ARHGEF4: variants seen among roughly 807,000 people sequenced by gnomAD.
ARHGEF4 encodes the protein APC-stimulated guanine nucleotide exchange factor 1.
Under a neutral mutation model 162.0 loss-of-function variants are expected in ARHGEF4, and 119 were observed. That is an observed-to-expected ratio of 0.73 (90% CI 0.63 to 0.86). The LOEUF is 0.86. ARHGEF4 is among the 40% of genes least tolerant of loss of function. The pLI is 0.00. For missense variants in ARHGEF4, 2,488 were observed against 2,456.0 expected, an observed-to-expected ratio of 1.01 and a Z score of -0.28; for synonymous variants, 1,014 against 979.9, an observed-to-expected ratio of 1.03 and a Z score of -0.65.
At chr2:130,939,847 A>G (rs2105129840) in intron 3 of ARHGEF4, among the ~76,000 whole-genome samples, 1 of 152,360 alleles carries the variant, frequency 6.6e-6, no homozygotes, top group Admixed American at 6.5e-5. Flanking sequence ...CCTAGGAACT[A>G]TTACAAATAT....
At chr2:130,891,171 G>C (rs960447688) in intron 1 of ARHGEF4, among the ~76,000 whole-genome samples, 1 of 152,126 alleles carries the variant, frequency 6.6e-6, no homozygotes, top group Non-Finnish European at 1.5e-5. Flanking sequence ...TCGAGGGCAG[G>C]GGCTGTCTCT....
At chr2:131,004,103 G>A (rs1687950823) in intron 4 of ARHGEF4, among the ~76,000 whole-genome samples, 1 of 152,156 alleles carries the variant, frequency 6.6e-6, no homozygotes, top group Non-Finnish European at 1.5e-5. Context: ...CTGGGCCAGT[G>A]TGGTGCAGGC....
In ARHGEF4 at chr2:130,916,977, A is replaced by C; in HGVS notation, c.3031A>C (p.Thr1011Pro). The C allele has an allele frequency of 5.2e-6, 8 of 1,550,944 alleles. No homozygotes were observed. Among genetic ancestry groups the C allele is most frequent in the Non-Finnish European group, 5.2e-6 (6 of 1,147,064 alleles). ...SDHWAPPLAS[T>P]PLSSSLVSPE... ...TCACTGGGCACCCCCACTTGCCTCC[A>C]CACCTTTGTCCTCCAGTTTAGTTTC... Residue 1011 changes from threonine (T) to proline (P), a missense_variant, in exon 2 of 14, where the codon ACA (threonine) becomes CCA (proline). Transcript: ENST00000409359.
At chr2:131,034,940 C>T in intron 5 of ARHGEF4, 1 of 978,978 alleles carries the variant, frequency 1.0e-6, no homozygotes, top group South Asian at 4.5e-5. Flanking sequence ...GGCTTGGGGC[C>T]TGGGAGGCGC....
intron 1 of ARHGEF4, among the ~76,000 whole-genome samples, chr2:130,856,848 T>C (rs115771319): frequency 7.9e-5 from 12 of 151,950 alleles, no homozygotes; most frequent in African/African-American, 2.9e-4. Flanking sequence ...AGCACAGAGG[T>C]GATTGGGAAC....
At chr2:130,976,387 AG>A (rs1685717881) in intron 4 of ARHGEF4, among the ~76,000 whole-genome samples, 1 of 151,542 alleles carries the variant, frequency 6.6e-6, no homozygotes, top group South Asian at 2.1e-4. Flanking sequence ...CTGTACAACT[AG>A]TTTCCTGAGG....
At chr2:130,920,542 G>A (rs2105070438) in intron 2 of ARHGEF4, among the ~76,000 whole-genome samples, 1 of 152,314 alleles carries the variant, frequency 6.6e-6, no homozygotes, top group Admixed American at 6.5e-5. Flanking sequence ...GCAAAGCTCA[G>A]AAAGGTTCCC....
In ARHGEF4 at chr2:130,915,030, C is replaced by T; in HGVS notation, c.1084C>T (p.His362Tyr). 1 of 1,550,688 alleles carries T rather than the reference C, an allele frequency of 6.4e-7. No homozygotes were observed. The highest frequency in any genetic ancestry group is 1.4e-5 in the African/African-American group (1 of 73,170). ...ACAGAATGTTGTGAAGTCTGGGACC[C>T]ATGTGAAGGAAGGGGCCAAAAATGA... ...VGQNVVKSGT[H>Y]VKEGAKNERD... Residue 362 changes from histidine (H) to tyrosine (Y), a missense_variant, in exon 2 of 14, where the codon CAT becomes TAT. By Grantham distance (83) the His-to-Tyr change is moderately conservative (BLOSUM62 2). Coordinates refer to ENST00000409359, the MANE Select transcript of ARHGEF4 (RefSeq NM_001367493.1).
chr2:130,970,386 C>T (rs960701036), intron 4 of ARHGEF4, among the ~76,000 whole-genome samples: 1 of 151,482 alleles, frequency 6.6e-6, no homozygotes, highest in African/African-American at 2.4e-5. Context: ...GTCAGGCGTT[C>T]GAGACCAGCC....
intron 4 of ARHGEF4, among the ~76,000 whole-genome samples, chr2:131,010,049 C>T (rs1688349090): frequency 6.6e-6 from 1 of 152,164 alleles, no homozygotes; most frequent in Non-Finnish European, 1.5e-5. Flanking sequence ...GGTTTTGTAG[C>T]CTCTACTAGG....
At position 130,946,642 on chromosome 2, in the gene ARHGEF4, T is replaced by TA; in HGVS notation, c.3985+8dup. 1 of 1,613,808 alleles carries TA rather than the reference T, an allele frequency of 6.2e-7. No homozygotes were observed. The highest frequency in any genetic ancestry group is 8.5e-7 in the Non-Finnish European group (1 of 1,179,830). On this transcript the variant is annotated splice_region_variant and intron_variant, in intron 4 of 13. Transcript: ENST00000409359. The stretch of plus-strand genomic sequence containing the variant: ...GAGCACACACCAGGCACTGGTGAGT[T>TA]ACGCGCCTCTCTCTTTTGCTATGTA...
chr2:131,029,698 C>A (rs1008775546), intron 5 of ARHGEF4, among the ~76,000 whole-genome samples: 1 of 151,950 alleles, frequency 6.6e-6, no homozygotes, highest in Admixed American at 6.6e-5. Context: ...GGATTACAGG[C>A]GCCCGCCACC....
intron 2 of ARHGEF4, among the ~76,000 whole-genome samples, chr2:130,918,495 C>T (rs981914049): frequency 2.0e-5 from 3 of 152,246 alleles, no homozygotes; most frequent in Non-Finnish European, 4.4e-5. Context: ...CCGAGTCTTC[C>T]GCGCGCCCAG....
chr2:130,864,168 A>T (rs535186841), intron 1 of ARHGEF4, among the ~76,000 whole-genome samples: 256 of 151,890 alleles, frequency 1.7e-3, no homozygotes, highest in Non-Finnish European at 2.9e-3. Context: ...CCTGGGCGAC[A>T]GAGACTCTGT....
intron 1 of ARHGEF4, among the ~76,000 whole-genome samples, chr2:130,871,739 C>T (rs1678501302): frequency 6.6e-6 from 1 of 152,072 alleles, no homozygotes; most frequent in Admixed American, 6.6e-5. Flanking sequence ...TGCTTCATGC[C>T]AGCAACCTGG....
At chr2:131,004,835 T>C (rs1688015473) in intron 4 of ARHGEF4, among the ~76,000 whole-genome samples, 1 of 152,230 alleles carries the variant, frequency 6.6e-6, no homozygotes, top group African/African-American at 2.4e-5. Context: ...GTGTCTGGTG[T>C]GGGCAAATAG....
intron 6 of ARHGEF4, chr2:131,039,798 G>A: frequency 7.1e-7 from 1 of 1,405,992 alleles, no homozygotes; most frequent in Non-Finnish European, 9.2e-7. Flanking sequence ...ATCGGTATTC[G>A]GATCACACTG....
chr2:130,991,089 G>C (rs72614455), intron 4 of ARHGEF4, among the ~76,000 whole-genome samples: 3,665 of 152,328 alleles, frequency 0.024, 154 homozygotes, highest in East Asian at 0.21. Context: ...AATGGATACA[G>C]ATTTTCCAAA....
chr2:131,009,609 A>G (rs991993972), intron 4 of ARHGEF4, among the ~76,000 whole-genome samples: 2 of 152,104 alleles, frequency 1.3e-5, no homozygotes, highest in Non-Finnish European at 2.9e-5. Flanking sequence ...TATTTCTTTC[A>G]GTATTTCCAA....
Sources: allele counts gnomAD v4.1 joint callset (sites outside exome capture counted in the v4.1 genomes callset), GRCh38; gene constraint gnomAD v4.1.1; transcripts MANE v1.5; gene names NCBI Gene and HGNC (gene_info 2026-07-23, HGNC 2026-07-21).